KRAS: variants seen among roughly 807,000 people sequenced by gnomAD.
KRAS encodes GTPase KRas.
Under a neutral mutation model 21.0 loss-of-function variants are expected in KRAS, and 1 was observed. That is an observed-to-expected ratio of 0.05 (90% CI 0.02 to 0.23). KRAS has a LOEUF of 0.23. Among genes scored for constraint, KRAS ranks in the 10% least tolerant of loss-of-function variants. The probability of loss-of-function intolerance (pLI) is 1.00; values close to 1 mark genes in which losing one functional copy is unlikely to be tolerated. For missense variants in KRAS, 107 were observed against 221.8 expected, an observed-to-expected ratio of 0.48 and a Z score of 3.29; for synonymous variants, 67 against 72.5, an observed-to-expected ratio of 0.92 and a Z score of 0.39.
At chr12:25,248,944 G>A (rs1261435119) in intron 1 of KRAS, among the ~76,000 whole-genome samples, 3 of 152,164 alleles carry the variant, frequency 2.0e-5, no homozygotes, top group Non-Finnish European at 4.4e-5. Flanking sequence ...CAGCATTTTG[G>A]ACCTCAGTCA....
chr12:25,221,425 G>T (rs556176847), intron 4 of KRAS, among the ~76,000 whole-genome samples: 3 of 152,136 alleles, frequency 2.0e-5, no homozygotes, highest in Non-Finnish European at 4.4e-5. Flanking sequence ...TAGAGACGGG[G>T]TTTCAACCAC....
Position 25,208,294 on chromosome 12 carries a change from C to T in KRAS, c.*1501G>A, listed in dbSNP as rs886049194. Reference sequence around the variant, plus strand: ...AACCTAAGTCACCTTCTTCCTAGTCCAGTGATACTTTCACCTCACCATGCC... The same window carrying T: ...AACCTAAGTCACCTTCTTCCTAGTCTAGTGATACTTTCACCTCACCATGCC... On this transcript the variant is annotated 3_prime_UTR_variant, in exon 5 of 5. Coordinates refer to ENST00000311936, the MANE Select transcript of KRAS (RefSeq NM_004985.5). 7.3e-5 allele frequency: 17 copies of T among 233,098 alleles called. No individual in the cohort carries two copies. The highest frequency in any genetic ancestry group is 3.3e-4 in the African/African-American group (15 of 45,298). The allele number at this position is 233,098 out of a possible 1,614,324, so 14.4% of individuals were successfully genotyped here.
At chr12:25,228,178 C>CTTTTTTT (rs34584556) in intron 2 of KRAS, among the ~76,000 whole-genome samples, 37 of 76,770 alleles carry the variant, frequency 4.8e-4, no homozygotes, top group Non-Finnish European at 5.9e-4. Flanking sequence ...TTTCTTTCAT[C>CTTTTTTT]TTTTTTTTTT....
chr12:25,220,418 T>C (rs1322006017), intron 4 of KRAS, among the ~76,000 whole-genome samples: 1 of 152,236 alleles, frequency 6.6e-6, no homozygotes, highest in African/African-American at 2.4e-5. Context: ...TAAAAATATA[T>C]ACCCTGCAAT....
intron 2 of KRAS, among the ~76,000 whole-genome samples, chr12:25,231,975 G>A (rs960412526): frequency 1.3e-5 from 2 of 151,964 alleles, no homozygotes; most frequent in African/African-American, 4.8e-5. Context: ...AGTCATCCCT[G>A]GTATACACAC....
In KRAS at chr12:25,228,092, C is replaced by T. The variant is rs1049204115; in HGVS notation, c.112-680G>A. Among the ~76,000 whole-genome samples, 126 of 150,908 alleles carry T rather than the reference C, an allele frequency of 8.3e-4. 1 individual carries two copies. The highest frequency in any genetic ancestry group is 1.4e-3 in the Non-Finnish European group (94 of 67,808). Reference sequence around the variant, plus strand: ...CAAAAATCTGAAATCCAAAATGCTCCAAAACCTGTAACTTTTAGAGCCTGA... The same window carrying T: ...CAAAAATCTGAAATCCAAAATGCTCTAAAACCTGTAACTTTTAGAGCCTGA... On this transcript the variant is annotated intron_variant, in intron 2 of 4. Transcript: ENST00000311936.
chr12:25,213,552 A>G (rs917504492), intron 4 of KRAS, among the ~76,000 whole-genome samples: 1 of 152,232 alleles, frequency 6.6e-6, no homozygotes, highest in Non-Finnish European at 1.5e-5. Flanking sequence ...AATTTCAACA[A>G]AAATTAATGC....
intron 1 of KRAS, 47 bp downstream of exon 1, chr12:25,250,704 G>T: frequency 5.6e-6 from 1 of 180,096 alleles, no homozygotes; most frequent in South Asian, 1.8e-4. Context: ...CCGGCAAAGA[G>T]GGTCGGGACC....
chr12:25,228,995 G>C (rs1951430499), intron 2 of KRAS, among the ~76,000 whole-genome samples: 1 of 152,124 alleles, frequency 6.6e-6, no homozygotes, highest in African/African-American at 2.4e-5. Flanking sequence ...GGAGGCGGAG[G>C]TTGCAGTGAG....
intron 2 of KRAS, among the ~76,000 whole-genome samples, chr12:25,237,801 T>A (rs1951562355): frequency 6.6e-6 from 1 of 152,214 alleles, no homozygotes; most frequent in Non-Finnish European, 1.5e-5. Flanking sequence ...TGCATTATTT[T>A]ATATACTACA....
chr12:25,215,222 ATAGAT>A (rs1482337802), intron 4 of KRAS: 6 of 714,364 alleles, frequency 8.4e-6, no homozygotes, highest in South Asian at 6.5e-5. Flanking sequence ...TATGCCAAAT[ATAGAT>A]TAGTCTACTA....
intron 4 of KRAS, among the ~76,000 whole-genome samples, chr12:25,219,342 A>AT (rs1951292526): frequency 6.6e-6 from 1 of 152,168 alleles, no homozygotes; most frequent in South Asian, 2.1e-4. Flanking sequence ...AAATATGTAA[A>AT]TTTTTTAAAA....
chr12:25,214,323 G>A (rs115351106), intron 4 of KRAS, among the ~76,000 whole-genome samples: 250 of 151,972 alleles, frequency 1.6e-3, no homozygotes, highest in African/African-American at 6.0e-3. Flanking sequence ...GGAGTGGTGG[G>A]AAGGTAGTAA....
At chr12:25,249,426 A>C (rs1276790511) in intron 1 of KRAS, among the ~76,000 whole-genome samples, 6 of 151,274 alleles carry the variant, frequency 4.0e-5, no homozygotes, top group Non-Finnish European at 8.8e-5. Context: ...CTCTGTCTCT[A>C]CTAAAAATAC....
At chr12:25,217,032 A>T (rs1422862581) in intron 4 of KRAS, among the ~76,000 whole-genome samples, 1 of 152,190 alleles carries the variant, frequency 6.6e-6, no homozygotes, top group East Asian at 1.9e-4. Flanking sequence ...GGGGATTGGC[A>T]TACATATTTT....
chr12:25,211,436 G>A (rs1333186520), intron 4 of KRAS, among the ~76,000 whole-genome samples: 1 of 152,002 alleles, frequency 6.6e-6, no homozygotes, highest in African/African-American at 2.4e-5. Context: ...TTAGCTGGGT[G>A]TGGTAGCAGG....
intron 2 of KRAS, among the ~76,000 whole-genome samples, chr12:25,227,993 C>T (rs11047903): frequency 7.2e-5 from 11 of 151,890 alleles, no homozygotes; most frequent in Non-Finnish European, 1.3e-4. Context: ...GTAGTATATA[C>T]ATACAGTGGA....
At chr12:25,238,193 C>A (rs768966862) in intron 2 of KRAS, among the ~76,000 whole-genome samples, 81 of 152,142 alleles carry the variant, frequency 5.3e-4, no homozygotes, top group Non-Finnish European at 2.6e-4. Context: ...GTGTGTACTA[C>A]TCCCAAGAGA....
chr12:25,242,974 G>A (rs1017258264), intron 2 of KRAS, among the ~76,000 whole-genome samples: 8 of 152,134 alleles, frequency 5.3e-5, no homozygotes, highest in African/African-American at 1.9e-4. Context: ...AAAAAATACA[G>A]TATTACTTGA....
Sources: gnomAD v4.1 joint callset for allele counts (sites outside exome capture counted in the v4.1 genomes callset) on GRCh38, gnomAD v4.1.1 for gene constraint, MANE v1.5 for transcripts, NCBI Gene and HGNC (gene_info 2026-07-23, HGNC 2026-07-21) for gene names.